Variants in CADM2 observed in about 807,000 individuals in gnomAD.
The protein encoded by CADM2 is immunoglobulin superfamily member 4D.
A neutral mutation model predicts 49.8 loss-of-function variants in CADM2; 12 were observed. The observed-to-expected ratio is 0.24, with a 90% CI of 0.15 to 0.39. The LOEUF is 0.39. Among genes scored for constraint, CADM2 ranks in the 10% least tolerant of loss-of-function variants. The pLI, the probability that CADM2 is intolerant of heterozygous loss-of-function variation, is 1.00. For missense variants in CADM2, 378 were observed against 492.3 expected (o/e 0.77, Z 2.20); for synonymous variants, 214 against 175.4 (o/e 1.22, Z -1.74).
chr3:85,947,144 C>A (rs1295521468), intron 7 of CADM2, among the ~76,000 whole-genome samples: 1 of 151,998 alleles, frequency 6.6e-6, no homozygotes, highest in Non-Finnish European at 1.5e-5. Flanking sequence ...AGGATATGAA[C>A]AGACACTTCT....
chr3:85,955,864 C>G (rs1015417123), intron 7 of CADM2, among the ~76,000 whole-genome samples: 1 of 151,422 alleles, frequency 6.6e-6, no homozygotes, highest in Non-Finnish European at 1.5e-5. Context: ...CAATGAACGC[C>G]TCAGGATATT....
chr3:85,659,086 C>T (rs180926900), intron 1 of CADM2, among the ~76,000 whole-genome samples: 18 of 60,664 alleles, frequency 3.0e-4, no homozygotes, highest in Admixed American at 9.6e-4. Flanking sequence ...ATAATAATAA[C>T]AATAAATTTT....
At chr3:85,359,664 A>ATTTTTTTTT (rs1434535137) in intron 1 of CADM2, among the ~76,000 whole-genome samples, 2 of 30,018 alleles carry the variant, frequency 6.7e-5, no homozygotes, top group African/African-American at 1.0e-4. Flanking sequence ...ATATATATAT[A>ATTTTTTTTT]TATTTTTTTT....
At position 85,359,660 on chromosome 3, in the gene CADM2, A is replaced by ATTTTTT. The variant is rs1289345059; in HGVS notation, c.62-366861_62-366860insTTTTTT. Reference sequence around the variant, plus strand: ...AGCATATATATATATATATATATATATATATATTTTTTTTTTTGGTGGAGG... The same window carrying ATTTTTT: ...AGCATATATATATATATATATATATATTTTTTTATATATTTTTTTTTTTGGTGGAGG... On this transcript the variant is annotated intron_variant, in intron 1 of 9. Coordinates refer to ENST00000383699, the MANE Select transcript of CADM2 (RefSeq NM_001167675.2). Among the ~76,000 whole-genome samples, 6 of 19,442 alleles carry ATTTTTT rather than the reference A, an allele frequency of 3.1e-4. 1 individual carries two copies. The highest frequency in any genetic ancestry group is 4.7e-4 in the African/African-American group (4 of 8,422). The allele number at this position is 19,442 out of a possible 152,430, so 12.8% of individuals were successfully genotyped here.
At chr3:85,613,203 A>G (rs1287376852) in intron 1 of CADM2, among the ~76,000 whole-genome samples, 4 of 151,788 alleles carry the variant, frequency 2.6e-5, no homozygotes, top group Non-Finnish European at 5.9e-5. Flanking sequence ...TGAGGAAATC[A>G]AAGAATATGC....
intron 1 of CADM2, among the ~76,000 whole-genome samples, chr3:85,327,594 C>T (rs536114056): frequency 6.8e-6 from 1 of 146,308 alleles, no homozygotes; most frequent in Non-Finnish European, 1.5e-5. Context: ...ACACACCACA[C>T]ACACACACAC....
At chr3:85,680,502 T>C (rs2066010130) in intron 1 of CADM2, among the ~76,000 whole-genome samples, 1 of 152,182 alleles carries the variant, frequency 6.6e-6, no homozygotes, top group South Asian at 2.1e-4. Context: ...CTCTGCAATG[T>C]TCCTTGGTGT....
At chr3:85,382,755 T>A (rs2033975355) in intron 1 of CADM2, among the ~76,000 whole-genome samples, 1 of 152,172 alleles carries the variant, frequency 6.6e-6, no homozygotes, top group Non-Finnish European at 1.5e-5. Flanking sequence ...GTTACTCAGC[T>A]ATAATAATAC....
chr3:85,002,298 T>TA (rs1341036998), intron 1 of CADM2, among the ~76,000 whole-genome samples: 1 of 152,176 alleles, frequency 6.6e-6, no homozygotes, highest in Non-Finnish European at 1.5e-5. Context: ...GTCTTACTGT[T>TA]ATGCCCCTTG....
chr3:85,845,205 T>C (rs1324460933), intron 3 of CADM2, among the ~76,000 whole-genome samples: 1 of 150,056 alleles, frequency 6.7e-6, no homozygotes, highest in African/African-American at 2.4e-5. Context: ...GAAAAACTTG[T>C]AGGCACCATC....
chr3:85,867,138 A>C (rs2075752599), intron 3 of CADM2, among the ~76,000 whole-genome samples: 1 of 152,128 alleles, frequency 6.6e-6, no homozygotes, highest in Admixed American at 6.5e-5. Context: ...TAAAACCCTC[A>C]AGATAGTACT....
At chr3:85,107,693 C>T (rs1192743473) in intron 1 of CADM2, among the ~76,000 whole-genome samples, 1 of 101,606 alleles carries the variant, frequency 9.8e-6, no homozygotes, top group Non-Finnish European at 2.0e-5. Flanking sequence ...CTCTTTCTTT[C>T]TTTCTCTTTC....
chr3:85,252,227 A>T (rs1343851116), intron 1 of CADM2, among the ~76,000 whole-genome samples: 1 of 152,060 alleles, frequency 6.6e-6, no homozygotes, highest in Admixed American at 6.6e-5. Context: ...CAAATTACTT[A>T]TGTTAACAAA....
intron 1 of CADM2, among the ~76,000 whole-genome samples, chr3:85,085,369 G>A (rs2037327490): frequency 6.6e-6 from 1 of 151,970 alleles, no homozygotes; most frequent in African/African-American, 2.4e-5. Flanking sequence ...GTTCATAGTT[G>A]TTGTTGCAAA....
At chr3:85,869,620 G>A (rs757926624) in intron 3 of CADM2, among the ~76,000 whole-genome samples, 5 of 151,618 alleles carry the variant, frequency 3.3e-5, no homozygotes, top group East Asian at 1.9e-4. Context: ...TGCTGTTAAA[G>A]TTCTTGTTTC....
At chr3:85,906,165 G>A (rs1716781385) in intron 5 of CADM2, among the ~76,000 whole-genome samples, 1 of 151,850 alleles carries the variant, frequency 6.6e-6, no homozygotes, top group Non-Finnish European at 1.5e-5. Context: ...ATTATATTTT[G>A]GGCATGCAAT....
At chr3:84,969,647 A>G (rs1245310730) in intron 1 of CADM2, among the ~76,000 whole-genome samples, 2 of 151,890 alleles carry the variant, frequency 1.3e-5, no homozygotes. Flanking sequence ...AGTACTCCAA[A>G]TAGAATAAAT....
intron 1 of CADM2, among the ~76,000 whole-genome samples, chr3:85,128,189 C>T (rs751191692): frequency 2.0e-5 from 3 of 152,112 alleles, no homozygotes; most frequent in Non-Finnish European, 4.4e-5. Flanking sequence ...AACAGAAAAG[C>T]TGAAACTAGC....
chr3:85,113,244 ACGTTTGGCT>A (rs1203582747), intron 1 of CADM2, among the ~76,000 whole-genome samples: 3 of 152,094 alleles, frequency 2.0e-5, no homozygotes, highest in African/African-American at 7.2e-5. Flanking sequence ...AGTTGCTAAG[ACGTTTGGCT>A]CTGCTGCCCA....
Sources: allele counts gnomAD v4.1 joint callset (sites outside exome capture counted in the v4.1 genomes callset), GRCh38; gene constraint gnomAD v4.1.1; transcripts MANE v1.5; gene names NCBI Gene and HGNC (gene_info 2026-07-23, HGNC 2026-07-21).